Variants in NCAM2 observed in about 807,000 individuals in gnomAD.
NCAM2 encodes the protein N-CAM-2.
A neutral mutation model predicts 98.1 loss-of-function variants in NCAM2; 30 were observed. The observed-to-expected ratio is 0.31, with a 90% CI of 0.23 to 0.41. The LOEUF is 0.41. Among genes scored for constraint, NCAM2 ranks in the 10% least tolerant of loss-of-function variants. The probability of loss-of-function intolerance (pLI) is 1.00; values close to 1 mark genes in which losing one functional copy is unlikely to be tolerated. For synonymous variants in NCAM2, 368 were observed against 342.4 expected (o/e 1.07, Z -0.83); for missense variants, 867 against 1,005.8 (o/e 0.86, Z 1.87).
intron 5 of NCAM2, among the ~76,000 whole-genome samples, chr21:21,324,050 T>C (rs1194847833): frequency 6.6e-6 from 1 of 152,220 alleles, no homozygotes; most frequent in Admixed American, 6.5e-5. Flanking sequence ...TGTACTTTAT[T>C]GTTTAACAGA....
intron 16 of NCAM2, 97 bp downstream of exon 16, chr21:21,509,152 TAA>T: frequency 1.4e-5 from 17 of 1,184,814 alleles, no homozygotes; most frequent in East Asian, 2.5e-5. Flanking sequence ...AGGAGTAGGG[TAA>T]AGAGTTTGAT....
rs570111195 is a variant in NCAM2, at chr21:21,285,837, G to C, written c.338-432G>C. Among the ~76,000 whole-genome samples, 5 of 152,038 alleles carry C rather than the reference G, an allele frequency of 3.3e-5. No individual in the cohort carries two copies. The East Asian group carries it at 9.7e-4, about 29-fold the overall frequency. On this transcript the variant is annotated intron_variant, in intron 3 of 17. Transcript: ENST00000400546. ...GAAAATAAATTACCTGGGGTAGAGA[G>C]ATAGAGAACCTTGAAATGGAAAGGA...
chr21:21,491,562 A>G (rs1008429480), intron 15 of NCAM2, among the ~76,000 whole-genome samples: 2 of 151,796 alleles, frequency 1.3e-5, no homozygotes, highest in Admixed American at 6.6e-5. Flanking sequence ...TAGCTTTTAT[A>G]GTGTAAAAAT....
chr21:21,317,653 C>A (rs1460721050), intron 5 of NCAM2, among the ~76,000 whole-genome samples: 1 of 152,030 alleles, frequency 6.6e-6, no homozygotes, highest in Admixed American at 6.6e-5. Flanking sequence ...CCATCTCAGC[C>A]TCTTAAATAG....
chr21:21,218,130 T>G (rs2069982397), intron 1 of NCAM2, among the ~76,000 whole-genome samples: 2 of 152,228 alleles, frequency 1.3e-5, no homozygotes, highest in Admixed American at 1.3e-4. Context: ...GGTCATTTAT[T>G]ACGGCAAAAA....
At chr21:21,292,296 T>C (rs1227101532) in intron 5 of NCAM2, 55 bp downstream of exon 5, 6 of 1,546,088 alleles carry the variant, frequency 3.9e-6, no homozygotes, top group Non-Finnish European at 5.3e-6. Context: ...CAATGTTTTT[T>C]ATTAAATGGC....
intron 1 of NCAM2, among the ~76,000 whole-genome samples, chr21:21,252,479 A>G (rs1041067375): frequency 1.5e-4 from 23 of 151,886 alleles, no homozygotes; most frequent in Non-Finnish European, 2.2e-4. Context: ...TTCATTATAT[A>G]AGACACAATC....
At chr21:21,067,451 CTT>C (rs1301527461) in intron 1 of NCAM2, among the ~76,000 whole-genome samples, 1 of 151,986 alleles carries the variant, frequency 6.6e-6, no homozygotes, top group Admixed American at 6.6e-5. Context: ...TGGGCTACCT[CTT>C]TTATATAGGA....
At chr21:21,099,503 G>A (rs2066194369) in intron 1 of NCAM2, among the ~76,000 whole-genome samples, 1 of 151,846 alleles carries the variant, frequency 6.6e-6, no homozygotes, top group South Asian at 2.1e-4. Flanking sequence ...GCTAAGCAAA[G>A]GGTGGAGGGA....
chr21:21,440,893 CTGTT>C (rs1391898912), intron 12 of NCAM2, among the ~76,000 whole-genome samples: 1 of 152,124 alleles, frequency 6.6e-6, no homozygotes, highest in East Asian at 1.9e-4. Context: ...TTTTACTTTT[CTGTT>C]TGTTTAAGAC....
At chr21:21,374,095 T>A in intron 9 of NCAM2, 82 bp downstream of exon 9, 1 of 1,339,250 alleles carries the variant, frequency 7.5e-7, no homozygotes, top group Non-Finnish European at 1.0e-6. Flanking sequence ...GACCAAAATA[T>A]ATATGTAGTT....
At chr21:21,282,172 C>T (rs1471308855) in intron 2 of NCAM2, among the ~76,000 whole-genome samples, 1 of 151,732 alleles carries the variant, frequency 6.6e-6, no homozygotes, top group Admixed American at 6.6e-5. Flanking sequence ...TTAATATCCT[C>T]ATAAATTAGA....
chr21:21,164,917 G>A (rs1465215122), intron 1 of NCAM2, among the ~76,000 whole-genome samples: 1 of 152,054 alleles, frequency 6.6e-6, no homozygotes, highest in Non-Finnish European at 1.5e-5. Flanking sequence ...AACATGTAAG[G>A]GCTTAAGGTA....
chr21:21,314,301 C>G (rs2074150599), intron 5 of NCAM2, among the ~76,000 whole-genome samples: 1 of 152,054 alleles, frequency 6.6e-6, no homozygotes, highest in Non-Finnish European at 1.5e-5. Flanking sequence ...TGTGTTCTTT[C>G]AGAACTTTAT....
At chr21:21,521,467 G>A (rs1989012003) in intron 16 of NCAM2, among the ~76,000 whole-genome samples, 4 of 152,164 alleles carry the variant, frequency 2.6e-5, no homozygotes, top group Admixed American at 6.6e-5. Context: ...ATATGATGGC[G>A]ATGTTGGAAT....
chr21:21,042,847 AATTT>A (rs2064933506), intron 1 of NCAM2, among the ~76,000 whole-genome samples: 1 of 152,166 alleles, frequency 6.6e-6, no homozygotes. Flanking sequence ...ATAACAACAT[AATTT>A]ATTTATCTCA....
chr21:21,243,985 C>T (rs1435927750), intron 1 of NCAM2, among the ~76,000 whole-genome samples: 1 of 152,086 alleles, frequency 6.6e-6, no homozygotes, highest in East Asian at 1.9e-4. Flanking sequence ...AATTATGAGT[C>T]AGTAGATCAG....
chr21:21,088,927 C>A (rs8131439), intron 1 of NCAM2, among the ~76,000 whole-genome samples: 6 of 150,778 alleles, frequency 4.0e-5, no homozygotes, highest in Non-Finnish European at 8.8e-5. Flanking sequence ...AGCTAGATTG[C>A]GCCACTGCAC....
intron 1 of NCAM2, among the ~76,000 whole-genome samples, chr21:21,049,276 C>T (rs2065060772): frequency 1.3e-5 from 2 of 151,912 alleles, no homozygotes; most frequent in East Asian, 1.9e-4. Context: ...GCCTCGGCCT[C>T]GCATATTTCC....
Sources: gnomAD v4.1 joint callset for allele counts (sites outside exome capture counted in the v4.1 genomes callset) on GRCh38, gnomAD v4.1.1 for gene constraint, MANE v1.5 for transcripts, NCBI Gene and HGNC (gene_info 2026-07-23, HGNC 2026-07-21) for gene names.